Variants in MARCHF1 observed in about 807,000 individuals in gnomAD.
MARCHF1 encodes the protein E3 ubiquitin-protein ligase MARCHF1.
MARCHF1 carries 40 observed loss-of-function variants against 54.2 expected under a neutral mutation model. The ratio of observed to expected loss-of-function variants is 0.74; its 90% CI spans 0.57 to 0.96. The LOEUF is 0.96. Among genes scored for constraint, MARCHF1 ranks in the 40% least tolerant of loss-of-function variants. The pLI, the probability that MARCHF1 is intolerant of heterozygous loss-of-function variation, is 0.00. For missense variants in MARCHF1, 586 were observed against 656.5 expected, an observed-to-expected ratio of 0.89 and a Z score of 1.17; for synonymous variants, 236 against 236.3, an observed-to-expected ratio of 1.00 and a Z score of 0.01.
chr4:163,866,153 G>A (rs2111203328), intron 3 of MARCHF1, among the ~76,000 whole-genome samples: 1 of 151,318 alleles, frequency 6.6e-6, no homozygotes, highest in South Asian at 2.1e-4. Context: ...TACTTACTTA[G>A]TGTAATCTTG....
At chr4:164,041,352 T>A (rs908427615) in intron 2 of MARCHF1, among the ~76,000 whole-genome samples, 2 of 152,132 alleles carry the variant, frequency 1.3e-5, no homozygotes, top group Non-Finnish European at 2.9e-5. Context: ...GACTTTTTAT[T>A]ATAGCATTAG....
chr4:163,632,219 C>A (rs1742113430), intron 5 of MARCHF1, among the ~76,000 whole-genome samples: 1 of 152,116 alleles, frequency 6.6e-6, no homozygotes, highest in Non-Finnish European at 1.5e-5. Context: ...CTCCAAATCT[C>A]ATGTTGAAAT....
chr4:164,109,457 G>T (rs1755783163), intron 2 of MARCHF1, among the ~76,000 whole-genome samples: 1 of 151,708 alleles, frequency 6.6e-6, no homozygotes, highest in South Asian at 2.1e-4. Context: ...TTTCTATAAG[G>T]TCTCTTCATA....
At chr4:163,624,626 A>C (rs79827119) in intron 5 of MARCHF1, among the ~76,000 whole-genome samples, 7,297 of 152,246 alleles carry the variant, frequency 0.048, 338 homozygotes, top group East Asian at 0.16. Flanking sequence ...CATAAGCTGC[A>C]CATTTGGAAT....
intron 1 of MARCHF1, among the ~76,000 whole-genome samples, chr4:164,295,490 G>A (rs1213366149): frequency 6.6e-6 from 1 of 151,948 alleles, no homozygotes; most frequent in Non-Finnish European, 1.5e-5. Flanking sequence ...GACTACAGAA[G>A]TAAGCCATTT....
intron 1 of MARCHF1, among the ~76,000 whole-genome samples, chr4:164,145,632 C>T (rs1341799570): frequency 1.3e-5 from 2 of 152,020 alleles, no homozygotes; most frequent in Non-Finnish European, 1.5e-5. Context: ...ACCTTCATGC[C>T]AAAAACTCTC....
At chr4:163,647,686 GA>G (rs1192349245) in intron 5 of MARCHF1, among the ~76,000 whole-genome samples, 1 of 151,256 alleles carries the variant, frequency 6.6e-6, no homozygotes, top group Non-Finnish European at 1.5e-5. Context: ...GAAATAAAAA[GA>G]AAAATAAAAG....
chr4:164,134,162 A>G (rs1346192693), intron 1 of MARCHF1, among the ~76,000 whole-genome samples: 1 of 152,174 alleles, frequency 6.6e-6, no homozygotes, highest in Non-Finnish European at 1.5e-5. Flanking sequence ...AAAGTTCATA[A>G]ATAGGTCACA....
At chr4:164,362,553 C>A (rs1730752973) in intron 1 of MARCHF1, among the ~76,000 whole-genome samples, 1 of 152,106 alleles carries the variant, frequency 6.6e-6, no homozygotes, top group Non-Finnish European at 1.5e-5. Flanking sequence ...AAACCAGCCA[C>A]GTTTTACTAC....
intron 1 of MARCHF1, among the ~76,000 whole-genome samples, chr4:164,211,179 T>C (rs191874095): frequency 0.01 from 1,568 of 151,938 alleles, 11 homozygotes; most frequent in Middle Eastern, 0.041. Context: ...ACTGTGTATT[T>C]CAAAAATTGC....
rs527268192 is a variant in MARCHF1, at chr4:164,309,996, TA to T, written c.-323+73873del. Reference sequence around the variant, plus strand: ...ACAAATCATGTTCCTTTTTTTTAATTAAAAAAAAATCTGTAGGTACATAGAA... The same window carrying T: ...ACAAATCATGTTCCTTTTTTTTAATTAAAAAAAATCTGTAGGTACATAGAA... On this transcript the variant is annotated intron_variant, in intron 1 of 9. Coordinates refer to ENST00000514618, the MANE Select transcript of MARCHF1 (RefSeq NM_001394959.1). Among the ~76,000 whole-genome samples the T allele has an allele frequency of 2.1e-4, 32 of 151,568 alleles. No homozygotes were observed. The East Asian group carries it at 2.7e-3, about 13-fold the overall frequency.
intron 3 of MARCHF1, among the ~76,000 whole-genome samples, chr4:163,891,558 C>CA (rs950401215): frequency 1.2e-4 from 18 of 151,292 alleles, no homozygotes; most frequent in Non-Finnish European, 2.5e-4. Flanking sequence ...AAACAACCAC[C>CA]AAAAAAAGCT....
At chr4:164,261,340 TATG>T (rs1733458549) in intron 1 of MARCHF1, among the ~76,000 whole-genome samples, 1 of 152,154 alleles carries the variant, frequency 6.6e-6, no homozygotes, top group Non-Finnish European at 1.5e-5. Context: ...CCAATTTCCA[TATG>T]AAGAAACTAT....
intron 2 of MARCHF1, among the ~76,000 whole-genome samples, chr4:164,038,417 C>T (rs58048459): frequency 0.36 from 54,827 of 152,004 alleles, 10,827 homozygotes; most frequent in Middle Eastern, 0.54. Context: ...GGTGTGAACC[C>T]GGGAGGTGGA....
intron 4 of MARCHF1, among the ~76,000 whole-genome samples, chr4:163,801,228 C>T (rs1357066307): frequency 1.3e-5 from 2 of 151,978 alleles, no homozygotes; most frequent in Non-Finnish European, 2.9e-5. Flanking sequence ...TGTATCTTAG[C>T]TATTCTTTTT....
intron 1 of MARCHF1, among the ~76,000 whole-genome samples, chr4:164,279,485 T>C (rs1477822869): frequency 2.6e-5 from 4 of 151,544 alleles, no homozygotes; most frequent in African/African-American, 9.7e-5. Flanking sequence ...TAAATTTCTG[T>C]AATAAAATTT....
chr4:164,043,779 C>A (rs989213478), intron 2 of MARCHF1, among the ~76,000 whole-genome samples: 1 of 152,106 alleles, frequency 6.6e-6, no homozygotes, highest in Admixed American at 6.6e-5. Flanking sequence ...AATTTCAGAC[C>A]ATTTCTTTCT....
At chr4:163,532,492 GAA>G (rs1738386757) in intron 9 of MARCHF1, among the ~76,000 whole-genome samples, 1 of 151,712 alleles carries the variant, frequency 6.6e-6, no homozygotes, top group Non-Finnish European at 1.5e-5. Flanking sequence ...TAAAAGATAA[GAA>G]AATTCAGGTG....
At chr4:163,989,370 G>A (rs1264815197) in intron 2 of MARCHF1, among the ~76,000 whole-genome samples, 1 of 152,170 alleles carries the variant, frequency 6.6e-6, no homozygotes, top group Non-Finnish European at 1.5e-5. Context: ...GTTGTAAAGA[G>A]AGTTAACCAT....
Sources: allele counts gnomAD v4.1 joint callset (sites outside exome capture counted in the v4.1 genomes callset), GRCh38; gene constraint gnomAD v4.1.1; transcripts MANE v1.5; gene names NCBI Gene and HGNC (gene_info 2026-07-23, HGNC 2026-07-21).